Variants in ODF1 observed in about 807,000 individuals in gnomAD.
The protein encoded by ODF1 is outer dense fiber of sperm tails 1.
ODF1 carries 10 observed loss-of-function variants against 24.0 expected under a neutral mutation model. The ratio of observed to expected loss-of-function variants is 0.42; its 90% confidence interval spans 0.26 to 0.71. ODF1 has a LOEUF of 0.71. Among genes scored for constraint, ODF1 ranks in the 30% least tolerant of loss-of-function variants. The pLI is 0.28. For synonymous variants in ODF1, 118 were observed against 121.3 expected (o/e 0.97, Z 0.18); for missense variants, 282 against 307.9 (o/e 0.92, Z 0.63).
intron 1 of ODF1, among the ~76,000 whole-genome samples, chr8:102,559,090 G>A (rs1587812299): frequency 1.3e-5 from 2 of 148,470 alleles, no homozygotes; most frequent in African/African-American, 5.0e-5. Flanking sequence ...AACATCCTAT[G>A]TGCCAAGTAT....
chr8:102,556,294 C>T (rs909483550), intron 1 of ODF1, among the ~76,000 whole-genome samples: 2 of 152,098 alleles, frequency 1.3e-5, no homozygotes, highest in African/African-American at 2.4e-5. Flanking sequence ...CGTAGTGTGG[C>T]CCCTGAAGCT....
chr8:102,560,186 G>T (rs1226139056), intron 1 of ODF1, among the ~76,000 whole-genome samples: 1 of 149,134 alleles, frequency 6.7e-6, no homozygotes, highest in African/African-American at 2.6e-5. Context: ...AATAAGAGGA[G>T]GAGCTGGTAT....
chr8:102,560,632 C>T lies in ODF1; in HGVS notation c.501C>T (p.Ser167=). 2 of 1,614,206 alleles carry T rather than the reference C, an allele frequency of 1.2e-6. No individual in the cohort carries two copies. Among genetic ancestry groups the T allele is most frequent in the Non-Finnish European group, 1.7e-6 (2 of 1,180,032 alleles). ...RYDCLGSKKY[S]YMNICKEFSL... is the part of the protein sequence containing the mutation. ...ACTGCCTTGGATCGAAAAAGTACAG[C>T]TACATGAACATCTGCAAAGAGTTCA... The change falls in exon 2 of 2, where the codon AGC becomes AGT. Residue 167 remains serine (S), a synonymous_variant. Coordinates refer to ENST00000285402, the MANE Select transcript of ODF1 (RefSeq NM_024410.4).
At chr8:102,559,886 T>A (rs1826156367) in intron 1 of ODF1, among the ~76,000 whole-genome samples, 1 of 151,518 alleles carries the variant, frequency 6.6e-6, no homozygotes, top group Non-Finnish European at 1.5e-5. Flanking sequence ...AGTGGTATCT[T>A]AGTTATATCC....
At chr8:102,557,288 C>T (rs1467917509) in intron 1 of ODF1, among the ~76,000 whole-genome samples, 1 of 152,176 alleles carries the variant, frequency 6.6e-6, no homozygotes, top group Non-Finnish European at 1.5e-5. Context: ...GGGGACATCA[C>T]CAGGCAGGAG....
chr8:102,552,880 GAAT>G (rs898767169), intron 1 of ODF1, among the ~76,000 whole-genome samples: 3 of 152,078 alleles, frequency 2.0e-5, no homozygotes, highest in Admixed American at 1.3e-4. Flanking sequence ...TCATGCACTG[GAAT>G]AATAAGTAAA....
intron 1 of ODF1, among the ~76,000 whole-genome samples, chr8:102,558,719 ACTCT>A (rs1826142942): frequency 6.8e-6 from 1 of 147,060 alleles, no homozygotes; most frequent in Non-Finnish European, 1.5e-5. Flanking sequence ...CACATACAAA[ACTCT>A]CTCTCTACAT....
intron 1 of ODF1, among the ~76,000 whole-genome samples, chr8:102,553,537 G>A (rs187290133): frequency 5.9e-5 from 9 of 152,224 alleles, no homozygotes; most frequent in South Asian, 2.1e-4. Context: ...CACATAAATT[G>A]CTCACACTGT....
chr8:102,551,780 T>G lies in ODF1; in HGVS notation c.53T>G (p.Val18Gly), dbSNP rs1224128958. The change falls in exon 1 of 2, where the codon GTG (valine) becomes GGG (glycine). Residue 18 changes from valine to glycine, a missense_variant. Physicochemically the swap from Val to Gly is moderately radical, Grantham distance 109. Transcript: ENST00000285402. ...AGTGTCAGAAGGGACATAAAGAAGG[T>G]GGACAGAGAACTAAGGCAACTGAGA... is the stretch of plus-strand genomic sequence containing the variant. ...LDSVRRDIKK[V>G]DRELRQLRCI... is the part of the protein sequence containing the mutation. 1 of 1,613,614 alleles carries G rather than the reference T, an allele frequency of 6.2e-7. No individual in the cohort carries two copies. The highest frequency in any genetic ancestry group is 8.5e-7 in the Non-Finnish European group (1 of 1,179,698).
intron 1 of ODF1, among the ~76,000 whole-genome samples, chr8:102,558,336 C>T (rs963240132): frequency 5.9e-5 from 9 of 152,146 alleles, no homozygotes; most frequent in African/African-American, 4.8e-5. Flanking sequence ...CACCTGTACT[C>T]CCAGCTACTC....
intron 1 of ODF1, among the ~76,000 whole-genome samples, chr8:102,558,176 G>T (rs1826135196): frequency 6.6e-6 from 1 of 152,218 alleles, no homozygotes; most frequent in Non-Finnish European, 1.5e-5. Flanking sequence ...CTGAGGCCGG[G>T]CGCGGTGGCT....
At chr8:102,555,567 C>T (rs1826102006) in intron 1 of ODF1, among the ~76,000 whole-genome samples, 3 of 152,208 alleles carry the variant, frequency 2.0e-5, no homozygotes, top group South Asian at 4.1e-4. Context: ...CTTGGTTCCC[C>T]CTTCATGCTC....
intron 1 of ODF1, among the ~76,000 whole-genome samples, chr8:102,554,559 C>T (rs919953): frequency 0.84 from 128,170 of 152,182 alleles, 54,281 homozygotes; most frequent in Middle Eastern, 0.88. Context: ...AAGCCTCAAC[C>T]AACAATTTCT....
Position 102,560,763 on chromosome 8 carries a change from C to T in ODF1, c.632C>T (p.Pro211Leu), listed in dbSNP as rs1563940463. 1.3e-5 allele frequency: 20 copies of T among 1,573,386 alleles called. No homozygotes were observed. The highest frequency in any genetic ancestry group is 1.4e-5 in the African/African-American group (1 of 71,868). The change falls in exon 2 of 2, where the codon CCC (proline) becomes CTC (leucine). Residue 211 changes from proline to leucine, a missense_variant. Physicochemically the swap from Pro to Leu is moderately conservative, Grantham distance 98. Coordinates refer to ENST00000285402, the MANE Select transcript of ODF1 (RefSeq NM_024410.4). The stretch of plus-strand genomic sequence containing the variant: ...TACCCTTGCACTTCTCCTTGCAGCC[C>T]CTGCAGCCCCTGCAGCCCCTGCAAC... ...PCYPCTSPCS[P>L]CSPCSPCNPC... is the part of the protein sequence containing the mutation.
rs1319611584 is a variant in ODF1, at chr8:102,560,445, A to T, written c.321-7A>T. On this transcript the variant is annotated splice_region_variant and splice_polypyrimidine_tract_variant and intron_variant, in intron 1 of 1. Coordinates refer to ENST00000285402, the MANE Select transcript of ODF1 (RefSeq NM_024410.4). ...CCCTCCCACCCTATCCCTTTTCTCA[A>T]TTCCAGACTGAGAAGAACAACAAAT... 1 of 1,612,634 alleles carries T rather than the reference A, an allele frequency of 6.2e-7. No homozygotes were observed. The highest frequency in any genetic ancestry group is 8.5e-7 in the Non-Finnish European group (1 of 1,178,678).
chr8:102,560,905 AC>A lies in ODF1; in HGVS notation c.*22del. 6.3e-7 allele frequency: 1 copy of A among 1,575,776 alleles called. No individual in the cohort carries two copies. The highest frequency in any genetic ancestry group is 1.2e-5 in the South Asian group (1 of 84,862). ...TGTAAAGTGCGCATAGGAACCCATT[AC>A]TTAATAGAAGTCAGTTACTCCAGCC... On this transcript the variant is annotated 3_prime_UTR_variant, in exon 2 of 2. Coordinates refer to ENST00000285402, the MANE Select transcript of ODF1 (RefSeq NM_024410.4).
At position 102,557,542 on chromosome 8, in the gene ODF1, C is replaced by G. The variant is rs147951321; in HGVS notation, c.321-2910C>G. On this transcript the variant is annotated intron_variant, in intron 1 of 1. Coordinates refer to ENST00000285402, the MANE Select transcript of ODF1 (RefSeq NM_024410.4). ...AAAGAGGAACCCAAGCAACAAAATA[C>G]ATGAAATTGTGCCCTGGGACCCAGG... Among the ~76,000 whole-genome samples the G allele has an allele frequency of 1.4e-3, 211 of 152,336 alleles. 1 individual carries two copies. The highest frequency in any genetic ancestry group is 4.9e-3 in the African/African-American group (203 of 41,570).
At chr8:102,556,162 A>C (rs1209761357) in intron 1 of ODF1, among the ~76,000 whole-genome samples, 2 of 152,180 alleles carry the variant, frequency 1.3e-5, no homozygotes, top group African/African-American at 4.8e-5. Flanking sequence ...TGGTCATCTT[A>C]CAGACAATGA....
intron 1 of ODF1, among the ~76,000 whole-genome samples, chr8:102,558,409 G>A (rs577093030): frequency 4.7e-4 from 71 of 152,102 alleles, no homozygotes; most frequent in African/African-American, 1.6e-3. Flanking sequence ...AGCAGAGATC[G>A]CCTCACTGCA....
Sources: allele counts gnomAD v4.1 joint callset (sites outside exome capture counted in the v4.1 genomes callset), GRCh38; gene constraint gnomAD v4.1.1; transcripts MANE v1.5; gene names NCBI Gene and HGNC (gene_info 2026-07-23, HGNC 2026-07-21).